The following CNTLN variants were observed in gnomAD, a reference collection of about 807,000 sequenced individuals.
CNTLN encodes centlein, centrosomal protein.
CNTLN carries 212 observed loss-of-function variants against 180.0 expected under a neutral mutation model. That is an observed-to-expected ratio of 1.18 (90% CI 1.05 to 1.32). CNTLN has a LOEUF of 1.32. CNTLN is among the 40% of genes most tolerant of loss of function. The pLI is 0.00. For missense variants in CNTLN, 2,095 were observed against 1,610.9 expected, an observed-to-expected ratio of 1.30 and a Z score of -5.14; for synonymous variants, 722 against 563.1, an observed-to-expected ratio of 1.28 and a Z score of -3.99.
At chr9:17,307,716 A>C (rs962695294) in intron 7 of CNTLN, among the ~76,000 whole-genome samples, 3 of 152,066 alleles carry the variant, frequency 2.0e-5, no homozygotes, top group Admixed American at 6.6e-5. Context: ...GCCTTTTTAA[A>C]TTTTAAATTT....
intron 7 of CNTLN, among the ~76,000 whole-genome samples, chr9:17,304,381 A>G (rs1283273732): frequency 6.6e-6 from 1 of 152,192 alleles, no homozygotes; most frequent in African/African-American, 2.4e-5. Flanking sequence ...ATATATGTGT[A>G]TGAATTAAAT....
chr9:17,332,761 C>T lies in CNTLN; in HGVS notation c.1644+31C>T, dbSNP rs546752970. 8.5e-6 allele frequency: 13 copies of T among 1,530,414 alleles called. No homozygotes were observed. The African/African-American group carries it at 9.8e-5, about 12-fold the overall frequency. 94.8% of individuals were successfully genotyped at this position (1,530,414 alleles called of 1,614,324 possible). A position where few individuals can be genotyped will look rare whatever the true frequency, so the allele number is the denominator to read the frequency against. On this transcript the variant is annotated intron_variant, in intron 10 of 25. Transcript: ENST00000380647. ...CATTAAATCATTTCTTTAGTAGTAA[C>T]CTTGCAAAGATAAAAATATACCAAA...
At chr9:17,502,529 C>CT (rs765769973) in intron 25 of CNTLN, 22 bp from the exon 26 acceptor site, 148 of 1,109,550 alleles carry the variant, frequency 1.3e-4, no homozygotes, top group Non-Finnish European at 1.4e-4. Flanking sequence ...TTTTAATAAT[C>CT]TTTTTTGTGT....
At chr9:17,381,391 A>T (rs140811742) in intron 13 of CNTLN, among the ~76,000 whole-genome samples, 1 of 152,222 alleles carries the variant, frequency 6.6e-6, no homozygotes, top group African/African-American at 2.4e-5. Flanking sequence ...CCAAACTCAT[A>T]CTATCAGCAT....
chr9:17,153,971 G>A (rs2815182), intron 2 of CNTLN, among the ~76,000 whole-genome samples: 39,773 of 151,842 alleles, frequency 0.26, 6,582 homozygotes, highest in African/African-American at 0.48. Context: ...TGTAGTCTTC[G>A]CAAAGTTCTC....
the CNTLN span, among the ~76,000 whole-genome samples, chr9:17,523,322 C>T: frequency 2.3e-3 from 356 of 152,220 alleles, 5 homozygotes; most frequent in African/African-American, 7.9e-3. Flanking sequence ...CTGCAACCTC[C>T]GCGTCCTGGT....
At chr9:17,289,755 C>A (rs895385107) in intron 6 of CNTLN, among the ~76,000 whole-genome samples, 2 of 144,114 alleles carry the variant, frequency 1.4e-5, no homozygotes, top group Non-Finnish European at 3.0e-5. Context: ...TCATTTCATT[C>A]ATTTCATCTT....
intron 2 of CNTLN, among the ~76,000 whole-genome samples, chr9:17,213,579 G>T (rs1000031175): frequency 6.6e-6 from 1 of 152,162 alleles, no homozygotes; most frequent in Admixed American, 6.5e-5. Context: ...GGTCTGCTTG[G>T]TGCAGAGCTG....
chr9:17,398,418 C>A (rs111344791), intron 15 of CNTLN, among the ~76,000 whole-genome samples: 1,768 of 152,164 alleles, frequency 0.012, 39 homozygotes, highest in African/African-American at 0.04. Context: ...AGGGGGAGTT[C>A]TGAGATTAAT....
At chr9:17,355,892 G>A (rs1264607531) in intron 12 of CNTLN, among the ~76,000 whole-genome samples, 1 of 151,126 alleles carries the variant, frequency 6.6e-6, no homozygotes, top group Non-Finnish European at 1.5e-5. Flanking sequence ...GTGAAAGCCC[G>A]TCTCTACTAA....
intron 3 of CNTLN, among the ~76,000 whole-genome samples, chr9:17,229,124 G>A (rs1333894088): frequency 6.6e-6 from 1 of 151,988 alleles, no homozygotes; most frequent in African/African-American, 2.4e-5. Context: ...AAAAATTGTA[G>A]TGAAAGAGGT....
chr9:17,334,910 T>TAAAAA (rs71303378), intron 10 of CNTLN, among the ~76,000 whole-genome samples: 1 of 122,580 alleles, frequency 8.2e-6, no homozygotes, highest in Non-Finnish European at 1.7e-5. Flanking sequence ...AATCTAAAAT[T>TAAAAA]AAAAAAAAAA....
At chr9:17,463,435 A>G (rs1029880495) in intron 20 of CNTLN, among the ~76,000 whole-genome samples, 1 of 151,496 alleles carries the variant, frequency 6.6e-6, no homozygotes, top group African/African-American at 2.4e-5. Flanking sequence ...GGAAGTTTGT[A>G]CTCTTGTGTT....
At chr9:17,425,204 A>G (rs1587960235) in intron 18 of CNTLN, among the ~76,000 whole-genome samples, 2 of 152,286 alleles carry the variant, frequency 1.3e-5, no homozygotes, top group East Asian at 1.9e-4. Context: ...GTGTTCCTCC[A>G]AAATTCATGT....
chr9:17,178,428 G>A (rs1307335701), intron 2 of CNTLN, among the ~76,000 whole-genome samples: 1 of 152,228 alleles, frequency 6.6e-6, no homozygotes, highest in African/African-American at 2.4e-5. Flanking sequence ...TCAGCCCTTG[G>A]GCGGTAGATG....
intron 8 of CNTLN, among the ~76,000 whole-genome samples, chr9:17,322,184 T>C (rs1177978929): frequency 3.9e-5 from 6 of 152,116 alleles, no homozygotes; most frequent in Non-Finnish European, 8.8e-5. Flanking sequence ...TTTTGGATAG[T>C]TTGATATTTA....
intron 23 of CNTLN, among the ~76,000 whole-genome samples, chr9:17,471,690 C>T (rs1233679959): frequency 6.6e-6 from 1 of 151,970 alleles, no homozygotes; most frequent in Non-Finnish European, 1.5e-5. Context: ...GTGTTTTTAG[C>T]AAATGATAAT....
In CNTLN at chr9:17,415,890, G is replaced by A. The variant is rs777006438; in HGVS notation, c.2890+9G>A. On this transcript the variant is annotated intron_variant, in intron 17 of 25. Transcript: ENST00000380647. ...AGCAGTTCCTACTAGAGGTAAGAATGTATATGCAATTAACAATATGTCTTT... is the reference window on the plus strand; with the variant it reads ...AGCAGTTCCTACTAGAGGTAAGAATATATATGCAATTAACAATATGTCTTT... 1.3e-5 allele frequency: 21 copies of A among 1,595,954 alleles called. No individual in the cohort carries two copies. Among genetic ancestry groups the A allele is most frequent in the South Asian group, 2.2e-5 (2 of 88,890 alleles).
Position 17,409,273 on chromosome 9 carries a change from C to T in CNTLN, c.2616-20C>T, listed in dbSNP as rs1479169511. The T allele has an allele frequency of 2.5e-5, 40 of 1,600,374 alleles. 1 individual carries two copies. The highest frequency in any genetic ancestry group is 3.1e-5 in the Non-Finnish European group (37 of 1,175,886). ...CAACTTTTATTCTTGGATTTTATGT[C>T]CCTACTTTTTTCTAAAAAGCAGTGA... On this transcript the variant is annotated intron_variant, in intron 15 of 25. Coordinates refer to ENST00000380647, the MANE Select transcript of CNTLN (RefSeq NM_017738.4).
Sources: allele counts gnomAD v4.1 joint callset (sites outside exome capture counted in the v4.1 genomes callset), GRCh38; gene constraint gnomAD v4.1.1; transcripts MANE v1.5; gene names NCBI Gene and HGNC (gene_info 2026-07-23, HGNC 2026-07-21).